NDST4: variants seen among roughly 807,000 people sequenced by gnomAD.
The protein encoded by NDST4 is N-heparan sulfate sulfotransferase 4.
Under a neutral mutation model 100.8 loss-of-function variants are expected in NDST4, and 63 were observed. That is an observed-to-expected ratio of 0.62 (90% CI 0.51 to 0.77). The LOEUF (loss-of-function observed/expected upper bound fraction) is 0.77. Ranked by LOEUF, NDST4 falls within the 30% of genes least tolerant of loss-of-function variation. NDST4 has a pLI of 0.00. For missense variants in NDST4, 943 were observed against 1,018.4 expected, an observed-to-expected ratio of 0.93 and a Z score of 1.01; for synonymous variants, 377 against 361.8, an observed-to-expected ratio of 1.04 and a Z score of -0.48.
At chr4:115,000,930 C>A (rs1023931812) in intron 2 of NDST4, among the ~76,000 whole-genome samples, 2 of 152,050 alleles carry the variant, frequency 1.3e-5, no homozygotes, top group African/African-American at 4.8e-5. Context: ...TCACAGATGG[C>A]ATCTTCTATG....
chr4:114,903,783 G>A (rs1724894698), intron 6 of NDST4, among the ~76,000 whole-genome samples: 1 of 151,940 alleles, frequency 6.6e-6, no homozygotes, highest in Admixed American at 6.6e-5. Context: ...TAAAGAAAAA[G>A]CAACATAGGC....
intron 4 of NDST4, among the ~76,000 whole-genome samples, chr4:114,950,382 G>A (rs1035513303): frequency 2.6e-5 from 4 of 151,998 alleles, no homozygotes; most frequent in African/African-American, 9.7e-5. Context: ...TGAAAAATGT[G>A]CATTAGCTAA....
chr4:115,016,042 A>G (rs779600461), intron 2 of NDST4, among the ~76,000 whole-genome samples: 8 of 152,006 alleles, frequency 5.3e-5, no homozygotes, highest in Non-Finnish European at 8.8e-5. Context: ...TGCCAAAACT[A>G]CCATCCGTGA....
chr4:114,878,856 A>T (rs956533864), intron 6 of NDST4, among the ~76,000 whole-genome samples: 3 of 151,990 alleles, frequency 2.0e-5, no homozygotes. Flanking sequence ...TATCTTTTGT[A>T]AGCAAAGCCA....
intron 2 of NDST4, among the ~76,000 whole-genome samples, chr4:115,049,355 G>A (rs1343811496): frequency 1.3e-5 from 2 of 151,936 alleles, no homozygotes; most frequent in Non-Finnish European, 2.9e-5. Flanking sequence ...TATAGAAGAA[G>A]TACATAGGCA....
intron 2 of NDST4, among the ~76,000 whole-genome samples, chr4:115,034,644 G>A (rs1045703347): frequency 6.6e-6 from 1 of 151,982 alleles, no homozygotes; most frequent in African/African-American, 2.4e-5. Context: ...TTTTGTTGAT[G>A]TGGAAGCCAT....
At chr4:114,969,189 C>T (rs975988291) in intron 4 of NDST4, among the ~76,000 whole-genome samples, 3 of 150,986 alleles carry the variant, frequency 2.0e-5, no homozygotes, top group African/African-American at 4.8e-5. Context: ...TGGCGGGCGC[C>T]TGTAGTCCCA....
chr4:115,079,363 G>GAA (rs199667475), intron 1 of NDST4, among the ~76,000 whole-genome samples: 2,483 of 77,680 alleles, frequency 0.032, 94 homozygotes, highest in African/African-American at 0.092. Context: ...CTCTGTCTCA[G>GAA]AAAAAAAAAA....
At chr4:115,084,697 A>C (rs1267892736) in intron 1 of NDST4, among the ~76,000 whole-genome samples, 1 of 152,192 alleles carries the variant, frequency 6.6e-6, no homozygotes, top group East Asian at 1.9e-4. Context: ...GGTGGCTTTC[A>C]TGTGGTGTTG....
chr4:114,956,901 A>T (rs1176398095), intron 4 of NDST4, among the ~76,000 whole-genome samples: 1 of 152,214 alleles, frequency 6.6e-6, no homozygotes, highest in Non-Finnish European at 1.5e-5. Flanking sequence ...CAAGATATAC[A>T]AAGAAACAGG....
At chr4:115,050,182 G>A (rs1258473032) in intron 2 of NDST4, among the ~76,000 whole-genome samples, 1 of 152,030 alleles carries the variant, frequency 6.6e-6, no homozygotes, top group African/African-American at 2.4e-5. Context: ...TTCTTGTGTA[G>A]GCAGAAATAT....
chr4:115,002,794 A>C (rs2620414), intron 2 of NDST4, among the ~76,000 whole-genome samples: 131,988 of 152,100 alleles, frequency 0.87, 57,742 homozygotes, highest in African/African-American at 0.91. Flanking sequence ...TTTATTGCAG[A>C]ACTATTTACA....
chr4:115,086,719 G>T (rs1244244493), intron 1 of NDST4, among the ~76,000 whole-genome samples: 1 of 152,014 alleles, frequency 6.6e-6, no homozygotes, highest in Non-Finnish European at 1.5e-5. Flanking sequence ...AATATGTATA[G>T]TGCCTATTCA....
At chr4:115,020,443 C>A (rs1223075889) in intron 2 of NDST4, among the ~76,000 whole-genome samples, 1 of 152,086 alleles carries the variant, frequency 6.6e-6, no homozygotes, top group Non-Finnish European at 1.5e-5. Context: ...TAAGAGGCTG[C>A]ATGGCTACTT....
At chr4:114,982,438 C>T (rs1410227840) in intron 2 of NDST4, among the ~76,000 whole-genome samples, 2 of 152,100 alleles carry the variant, frequency 1.3e-5, no homozygotes, top group Admixed American at 6.6e-5. Context: ...TGTCCCTGCT[C>T]TAAAAATCTT....
At chr4:115,013,102 T>C (rs1240564097) in intron 2 of NDST4, among the ~76,000 whole-genome samples, 1 of 151,106 alleles carries the variant, frequency 6.6e-6, no homozygotes, top group Non-Finnish European at 1.5e-5. Context: ...ATGCTTAATA[T>C]ATGAAGATAT....
chr4:115,093,285 C>T (rs536745127), intron 1 of NDST4, among the ~76,000 whole-genome samples: 146 of 152,126 alleles, frequency 9.6e-4, no homozygotes, highest in African/African-American at 3.3e-3. Context: ...ACTATCCTGG[C>T]TAACACGGTG....
rs76491590 is a variant in NDST4 at position 114,879,932 on chromosome 4, T to A, written c.1537-8982A>T. Among the ~76,000 whole-genome samples the A allele has an allele frequency of 8.1e-3, 1,234 of 152,296 alleles. 13 individuals carry two copies. The highest frequency in any genetic ancestry group is 0.028 in the African/African-American group (1,177 of 41,570). On this transcript the variant is annotated intron_variant, in intron 6 of 13. Coordinates refer to ENST00000264363, the MANE Select transcript of NDST4 (RefSeq NM_022569.3). Reference sequence around the variant, plus strand: ...AACTGAAGTTCCATTCTGCATCTGATTATTTACCAGTGTCCCAGTTTTTCA... The same window carrying A: ...AACTGAAGTTCCATTCTGCATCTGAATATTTACCAGTGTCCCAGTTTTTCA...
At chr4:115,101,969 T>C (rs1462987695) in intron 1 of NDST4, among the ~76,000 whole-genome samples, 1 of 151,944 alleles carries the variant, frequency 6.6e-6, no homozygotes, top group Non-Finnish European at 1.5e-5. Context: ...AAAAGAGAGA[T>C]TTGAAAAAGA....
Sources: gnomAD v4.1 joint callset for allele counts (sites outside exome capture counted in the v4.1 genomes callset) on GRCh38, gnomAD v4.1.1 for gene constraint, MANE v1.5 for transcripts, NCBI Gene and HGNC (gene_info 2026-07-23, HGNC 2026-07-21) for gene names.